Variants in BLZF1 observed in about 807,000 individuals in gnomAD.
BLZF1 encodes golgin-45.
Under a neutral mutation model 43.8 loss-of-function variants are expected in BLZF1, and 39 were observed. That is an observed-to-expected ratio of 0.89 (90% confidence interval 0.69 to 1.16). BLZF1 has a LOEUF of 1.16. Ranked by LOEUF, BLZF1 falls within the 50% of genes most tolerant of loss-of-function variation. The pLI, the probability that BLZF1 is intolerant of heterozygous loss-of-function variation, is 0.00. For missense variants in BLZF1, 449 were observed against 469.8 expected, an observed-to-expected ratio of 0.96 and a Z score of 0.41; for synonymous variants, 136 against 159.4, an observed-to-expected ratio of 0.85 and a Z score of 1.11.
intron 6 of BLZF1, among the ~76,000 whole-genome samples, chr1:169,386,086 G>A (rs1035869174): frequency 6.6e-6 from 1 of 152,144 alleles, no homozygotes; most frequent in Non-Finnish European, 1.5e-5. Context: ...AATTTTTTCA[G>A]CTCAAGAGTT....
At position 169,378,341 on chromosome 1, in the gene BLZF1, G is replaced by A. The variant is rs777120423; in HGVS notation, c.480G>A (p.Glu160=). ...ACGTTCTCTTCTAGGTAAATCGTGA[G>A]TTAAAAAAGTTACTGGTGGCTTCTG... ...QLRVQTEVNR[E]LKKLLVASVG... Residue 160 remains glutamate, a synonymous_variant, in exon 4 of 7, where the codon GAG becomes GAA. Transcript: ENST00000367808. The A allele has an allele frequency of 1.2e-6, 2 of 1,612,506 alleles. No homozygotes were observed. Among genetic ancestry groups the A allele is most frequent in the Non-Finnish European group, 1.7e-6 (2 of 1,178,826 alleles).
chr1:169,386,113 G>A (rs879776322), intron 6 of BLZF1, among the ~76,000 whole-genome samples: 4 of 152,164 alleles, frequency 2.6e-5, no homozygotes, highest in South Asian at 2.1e-4. Context: ...TTGGGTCTCA[G>A]TAAAGGAGAC....
downstream of BLZF1, chr1:169,388,414 A>C (rs946907910): frequency 6.6e-6 from 1 of 152,162 alleles, no homozygotes; most frequent in African/African-American, 2.4e-5. Flanking sequence ...TTTACTTACT[A>C]TAAAAGTCTC....
rs767517784 is a variant in BLZF1, at chr1:169,376,875, G to C, written c.364G>C (p.Glu122Gln). 2 of 1,613,038 alleles carry C rather than the reference G, an allele frequency of 1.2e-6. No homozygotes were observed. The highest frequency in any genetic ancestry group is 4.5e-5 in the East Asian group (2 of 44,864). The change falls in exon 3 of 7, where the codon GAA (glutamate) becomes CAA (glutamine). Residue 122 changes from glutamate to glutamine, a missense_variant. By Grantham distance (29) the Glu-to-Gln change is conservative. Transcript: ENST00000367808. ...AGAGGGAGTTATAGAACCTAATAAGGAACTCTCAGAGGTAAAGAATGTATT... is the reference window on the plus strand; with the variant it reads ...AGAGGGAGTTATAGAACCTAATAAGCAACTCTCAGAGGTAAAGAATGTATT... ...QSEGVIEPNKELSEVKNVLEK... is the reference protein window; with the variant it reads ...QSEGVIEPNKQLSEVKNVLEK...
exon 8 of BLZF1, chr1:169,396,387 C>T (rs1348805589): frequency 2.0e-5 from 3 of 152,020 alleles, no homozygotes; most frequent in Non-Finnish European, 2.9e-5. Flanking sequence ...GACCCCATCT[C>T]TACAAAAAAA....
At chr1:169,384,134 T>G (rs889640393) in intron 6 of BLZF1, among the ~76,000 whole-genome samples, 3 of 152,174 alleles carry the variant, frequency 2.0e-5, no homozygotes, top group African/African-American at 7.2e-5. Context: ...TTCCCTATCT[T>G]GATGAATTAT....
Position 169,376,183 on chromosome 1 carries a change from G to A in BLZF1, c.29-357G>A, listed in dbSNP as rs552825116. Among the ~76,000 whole-genome samples the A allele has an allele frequency of 1.4e-3, 219 of 152,110 alleles. 6 individuals carry two copies. In the South Asian group the frequency reaches 0.045, roughly 31 times the overall value. ...TTATTGAGTGTCTACAGTATGCCAA[G>A]CATTTCATCTTATTACATTTTTTCT... On this transcript the variant is annotated intron_variant, in intron 2 of 6. Coordinates refer to ENST00000367808, the MANE Select transcript of BLZF1 (RefSeq NM_001320973.2).
chr1:169,376,896 G>T lies in BLZF1; in HGVS notation c.385G>T (p.Val129Leu), dbSNP rs1170044406. The T allele has an allele frequency of 3.7e-6, 6 of 1,613,152 alleles. No individual in the cohort carries two copies. The highest frequency in any genetic ancestry group is 1.7e-5 in the Admixed American group (1 of 59,844). Residue 129 changes from valine to leucine, a missense_variant, in exon 3 of 7, where the codon GTA (valine) becomes TTA (leucine). Val to Leu is a conservative substitution (Grantham distance 32, BLOSUM62 1). Coordinates refer to ENST00000367808, the MANE Select transcript of BLZF1 (RefSeq NM_001320973.2). ...TAAGGAACTCTCAGAGGTAAAGAATGTATTGGAAAAGCTCAAGAATTCTGA... is the reference window on the plus strand; with the variant it reads ...TAAGGAACTCTCAGAGGTAAAGAATTTATTGGAAAAGCTCAAGAATTCTGA... ...PNKELSEVKN[V>L]LEKLKNSERR...
At chr1:169,386,463 A>G (rs1241801092) in intron 6 of BLZF1, among the ~76,000 whole-genome samples, 2 of 152,062 alleles carry the variant, frequency 1.3e-5, no homozygotes, top group Non-Finnish European at 2.9e-5. Flanking sequence ...GCAGATCACA[A>G]GGTCAGGAGA....
downstream of BLZF1, among the ~76,000 whole-genome samples, chr1:169,391,232 A>C (rs1044930427): frequency 6.6e-6 from 1 of 151,534 alleles, no homozygotes; most frequent in Non-Finnish European, 1.5e-5. Flanking sequence ...TAGATGGGAA[A>C]ACAATAGGCT....
At chr1:169,394,946 C>A in intron 7 of BLZF1, 1 of 1,058,492 alleles carries the variant, frequency 9.4e-7, no homozygotes. Flanking sequence ...AAGATAAATA[C>A]CATTTCCATA....
intron 2 of BLZF1, among the ~76,000 whole-genome samples, chr1:169,375,405 T>TAAAAC (rs1654280700): frequency 1.2e-5 from 1 of 83,022 alleles, no homozygotes; most frequent in Non-Finnish European, 2.5e-5. Context: ...TATATATATA[T>TAAAAC]ATATATATAT....
intron 3 of BLZF1, among the ~76,000 whole-genome samples, chr1:169,378,110 A>G (rs1654419533): frequency 6.6e-6 from 1 of 151,884 alleles, no homozygotes. Context: ...GGCTCAGTTT[A>G]TTACCACATG....
At chr1:169,375,198 A>G (rs944931863) in intron 2 of BLZF1, among the ~76,000 whole-genome samples, 5 of 151,582 alleles carry the variant, frequency 3.3e-5, no homozygotes, top group Non-Finnish European at 2.9e-5. Context: ...AGTAAATGCT[A>G]TATTAACTTG....
chr1:169,393,122 A>T (rs1307291236), downstream of BLZF1, among the ~76,000 whole-genome samples: 1 of 152,118 alleles, frequency 6.6e-6, no homozygotes, highest in East Asian at 1.9e-4. Flanking sequence ...GTCAGAATTG[A>T]ATTGTAGAAT....
chr1:169,391,164 A>G (rs952026841), downstream of BLZF1, among the ~76,000 whole-genome samples: 6 of 152,238 alleles, frequency 3.9e-5, no homozygotes, highest in South Asian at 2.1e-4. Flanking sequence ...AAGCGGGTGT[A>G]TAACCAAGCC....
Position 169,387,296 on chromosome 1 carries a change from A to G in BLZF1, c.*114A>G. On this transcript the variant is annotated 3_prime_UTR_variant, in exon 7 of 7. Transcript: ENST00000367808. ...AATAATATCACTTCCTATTTACATA[A>G]TGTATACACCCAAAGATATTTTATG... 1 of 905,564 alleles carries G rather than the reference A, an allele frequency of 1.1e-6. No homozygotes were observed. The highest frequency in any genetic ancestry group is 1.7e-6 in the Non-Finnish European group (1 of 597,110). 56.1% of individuals were successfully genotyped at this position (905,564 alleles called of 1,614,324 possible).
chr1:169,390,841 AAAGAC>A (rs1454047743), downstream of BLZF1, among the ~76,000 whole-genome samples: 2 of 152,222 alleles, frequency 1.3e-5, no homozygotes, highest in Non-Finnish European at 2.9e-5. Flanking sequence ...TTTTGCTCAA[AAAGAC>A]AAGGTCCTAA....
intron 2 of BLZF1, among the ~76,000 whole-genome samples, chr1:169,375,393 CATATATATATATATATATATATATAT>C (rs58679820): frequency 1.0e-3 from 88 of 85,840 alleles, no homozygotes; most frequent in African/African-American, 3.1e-3. Flanking sequence ...ATATATAAAA[CATATATATATATATATATATATATAT>C]ATATATATAT....
Sources: gnomAD v4.1 joint callset for allele counts (sites outside exome capture counted in the v4.1 genomes callset) on GRCh38, gnomAD v4.1.1 for gene constraint, MANE v1.5 for transcripts, NCBI Gene and HGNC (gene_info 2026-07-23, HGNC 2026-07-21) for gene names.